The following UNC93A variants were observed in gnomAD, a reference collection of about 807,000 sequenced individuals.
UNC93A encodes the protein N-acetylglucosamine transporter UNC93A.
UNC93A carries 43 observed loss-of-function variants against 47.5 expected under a neutral mutation model. The ratio of observed to expected loss-of-function variants is 0.91; its 90% CI spans 0.71 to 1.17. UNC93A has a LOEUF of 1.17. Among genes scored for constraint, UNC93A ranks in the 50% most tolerant of loss-of-function variants. The probability of loss-of-function intolerance (pLI) is 0.00; values close to 1 mark genes in which losing one functional copy is unlikely to be tolerated. For synonymous variants in UNC93A, 280 were observed against 258.0 expected, an observed-to-expected ratio of 1.09 and a Z score of -0.82; for missense variants, 605 against 577.6, an observed-to-expected ratio of 1.05 and a Z score of -0.49.
chr6:167,295,470 C>T (rs1463644502), intron 2 of UNC93A, among the ~76,000 whole-genome samples: 2 of 102,916 alleles, frequency 1.9e-5, no homozygotes, highest in African/African-American at 5.9e-5. Context: ...TCGTGCTCCT[C>T]GCCTCCCTCG....
chr6:167,296,395 G>A lies in UNC93A; in HGVS notation c.499+134G>A, dbSNP rs527948192. On this transcript the variant is annotated intron_variant, in intron 3 of 7. Coordinates refer to ENST00000230256, the MANE Select transcript of UNC93A (RefSeq NM_018974.4). ...AGCAGGTGAGTCAGGCCCCACAGGTGAGATTCTCAACCTGCCTGTGCTTCA... is the reference window on the plus strand; with the variant it reads ...AGCAGGTGAGTCAGGCCCCACAGGTAAGATTCTCAACCTGCCTGTGCTTCA... 11 of 927,728 alleles carry A rather than the reference G, an allele frequency of 1.2e-5. No individual in the cohort carries two copies. In the African/African-American group the frequency reaches 1.3e-4, roughly 11 times the overall value. 57.5% of individuals were successfully genotyped at this position (927,728 alleles called of 1,614,324 possible). A position where few individuals can be genotyped will look rare whatever the true frequency, so the allele number is the denominator to read the frequency against.
At chr6:167,289,392 A>G (rs1000427222), upstream of UNC93A, among the ~76,000 whole-genome samples, 8 of 152,286 alleles carry the variant, frequency 5.3e-5, no homozygotes, top group Admixed American at 3.3e-4. Flanking sequence ...AGTGAAATAT[A>G]CTGTTCATTT....
At position 167,307,954 on chromosome 6, in the gene UNC93A, C is replaced by A; in HGVS notation, c.1108+44C>A. ...CCCCTTCCTCTGTGGCAGCAGGGGG[C>A]GGTCCCTGGCCAAGGCAACTGTGGG... On this transcript the variant is annotated intron_variant, in intron 7 of 7. Transcript: ENST00000230256. 3.1e-6 allele frequency: 5 copies of A among 1,605,718 alleles called. No homozygotes were observed. The Admixed American group carries it at 6.7e-5, about 22-fold the overall frequency.
intron 7 of UNC93A, among the ~76,000 whole-genome samples, chr6:167,308,255 C>T (rs943259712): frequency 1.3e-5 from 2 of 152,162 alleles, no homozygotes; most frequent in Non-Finnish European, 2.9e-5. Context: ...AACCTTTATT[C>T]AGATGTGCTT....
rs373923944 is a variant in UNC93A at position 167,298,097 on chromosome 6, G to A, written c.625+27G>A. 485 of 1,605,830 alleles carry A rather than the reference G, an allele frequency of 3.0e-4. 7 individuals carry two copies. In the Middle Eastern group the frequency reaches 4.0e-3, roughly 13 times the overall value. On this transcript the variant is annotated intron_variant, in intron 4 of 7. Coordinates refer to ENST00000230256, the MANE Select transcript of UNC93A (RefSeq NM_018974.4). ...TACGAGCTCCATCGGCCCAGGGCAG[G>A]GTCCCTAGCAAAGCAGAGCCAAGCC...
intron 1 of UNC93A, among the ~76,000 whole-genome samples, chr6:167,285,223 A>G (rs1783705711): frequency 6.6e-6 from 1 of 151,634 alleles, no homozygotes; most frequent in Admixed American, 6.6e-5. Flanking sequence ...GCTGGCCCTG[A>G]GCCATGGCAT....
intron 7 of UNC93A, among the ~76,000 whole-genome samples, chr6:167,312,224 G>A (rs924991294): frequency 8.6e-5 from 13 of 150,898 alleles, no homozygotes; most frequent in Admixed American, 6.6e-4. Context: ...TTCTTGTCCC[G>A]TCATATGGGG....
At chr6:167,313,846 T>A (rs1228601454) in intron 7 of UNC93A, among the ~76,000 whole-genome samples, 1 of 152,034 alleles carries the variant, frequency 6.6e-6, no homozygotes, top group Non-Finnish European at 1.5e-5. Context: ...AGACAAGAGG[T>A]GTTTAGAATA....
rs115515169 is a variant in UNC93A, at chr6:167,307,927, G to A, written c.1108+17G>A. 2,316 of 1,612,724 alleles carry A rather than the reference G, an allele frequency of 1.4e-3. 34 individuals are homozygous for A. The African/African-American group carries it at 0.024, about 17-fold the overall frequency. On this transcript the variant is annotated intron_variant, in intron 7 of 7. Transcript: ENST00000230256. ...AAAACAATGGTGAGTCCCCAGCCCAGGCCCCTTCCTCTGTGGCAGCAGGGG... is the reference window on the plus strand; with the variant it reads ...AAAACAATGGTGAGTCCCCAGCCCAAGCCCCTTCCTCTGTGGCAGCAGGGG...
chr6:167,307,550 A>C (rs958058819), intron 6 of UNC93A, among the ~76,000 whole-genome samples: 7 of 147,866 alleles, frequency 4.7e-5, no homozygotes, highest in Non-Finnish European at 8.9e-5. Context: ...GAGACAGTTG[A>C]GATGGTTGAG....
At chr6:167,285,247 A>G (rs1783706159) in intron 1 of UNC93A, among the ~76,000 whole-genome samples, 1 of 151,820 alleles carries the variant, frequency 6.6e-6, no homozygotes, top group Non-Finnish European at 1.5e-5. Context: ...GGCCAAGGGG[A>G]GGGGCCCTGG....
intron 1 of UNC93A, among the ~76,000 whole-genome samples, chr6:167,271,851 A>G (rs1221236429): frequency 6.6e-6 from 1 of 152,170 alleles, no homozygotes; most frequent in African/African-American, 2.4e-5. Context: ...GACAAGACAA[A>G]GGAAAAGACC....
intron 1 of UNC93A, among the ~76,000 whole-genome samples, chr6:167,285,363 G>A (rs546045308): frequency 9.9e-5 from 15 of 151,942 alleles, no homozygotes; most frequent in African/African-American, 2.4e-4. Flanking sequence ...TTCATCCCAG[G>A]GCCCAATCCC....
At chr6:167,272,608 A>G (rs562883669) in intron 1 of UNC93A, among the ~76,000 whole-genome samples, 5 of 152,298 alleles carry the variant, frequency 3.3e-5, no homozygotes, top group East Asian at 3.9e-4. Flanking sequence ...TAAGAAGTAC[A>G]TTGGTTTGGT....
At chr6:167,314,228 CCT>C (rs3830722) in intron 7 of UNC93A, among the ~76,000 whole-genome samples, 33,609 of 152,116 alleles carry the variant, frequency 0.22, 3,718 homozygotes, top group South Asian at 0.32. Flanking sequence ...TTTCCACACT[CCT>C]GTGTGTCTTG....
Position 167,299,963 on chromosome 6 carries a change from G to A in UNC93A, c.625+1893G>A, listed in dbSNP as rs557481945. Among the ~76,000 whole-genome samples, 22 of 152,318 alleles carry A rather than the reference G, an allele frequency of 1.4e-4. No individual in the cohort carries two copies. In the East Asian group the frequency reaches 1.5e-3, roughly 11 times the overall value. On this transcript the variant is annotated intron_variant, in intron 4 of 7. Coordinates refer to ENST00000230256, the MANE Select transcript of UNC93A (RefSeq NM_018974.4). ...CAGCGGGCAGAGACCCACTGAGGAC[G>A]GAGTGCTGAGTCCAGAGGAGGGAGC...
upstream of UNC93A, among the ~76,000 whole-genome samples, chr6:167,290,907 T>C (rs1783828151): frequency 6.6e-6 from 1 of 152,232 alleles, no homozygotes; most frequent in African/African-American, 2.4e-5. Context: ...CTTTTAATAA[T>C]TGCTGTACTG....
At chr6:167,286,766 T>G (rs901035126), upstream of UNC93A, among the ~76,000 whole-genome samples, 17 of 151,902 alleles carry the variant, frequency 1.1e-4, no homozygotes, top group Admixed American at 1.3e-4. Flanking sequence ...TTGCCTGAGC[T>G]CAAGAGTTCG....
chr6:167,277,223 G>A (rs184392663), intron 1 of UNC93A, among the ~76,000 whole-genome samples: 5 of 152,326 alleles, frequency 3.3e-5, no homozygotes, highest in Admixed American at 6.5e-5. Flanking sequence ...TGAGAACTGC[G>A]CCTGTGCCCC....
Sources: allele counts gnomAD v4.1 joint callset (sites outside exome capture counted in the v4.1 genomes callset), GRCh38; gene constraint gnomAD v4.1.1; transcripts MANE v1.5; gene names NCBI Gene and HGNC (gene_info 2026-07-23, HGNC 2026-07-21).